The following CELF2 variants were observed in gnomAD, a reference collection of about 807,000 sequenced individuals.
CELF2 encodes the protein CUGBP Elav-like family member 2, also known as CUG triplet repeat RNA-binding protein 2.
In CELF2, 8 loss-of-function variants were observed where a neutral mutation model predicts 62.6. That is an observed-to-expected ratio of 0.13 (90% confidence interval 0.07 to 0.23). The LOEUF (loss-of-function observed/expected upper bound fraction) is 0.23. CELF2 is among the 10% of genes least tolerant of loss of function. CELF2 has a pLI of 1.00. For missense variants in CELF2, 333 were observed against 671.0 expected (o/e 0.50, Z 5.56); for synonymous variants, 258 against 250.0 (o/e 1.03, Z -0.30).
rs1317630313 is a variant in CELF2, at chr10:11,268,148, G to T, written c.618+1471G>T. 6.6e-6 allele frequency among the ~76,000 whole-genome samples: 1 copy of T among 152,088 alleles called. No homozygotes were observed. The highest frequency in any genetic ancestry group is 1.5e-5 in the Non-Finnish European group (1 of 68,014). On this transcript the variant is annotated intron_variant, in intron 6 of 12. Coordinates refer to ENST00000633077, the MANE Select transcript of CELF2 (RefSeq NM_001326342.2). The surrounding 1 kb of genome is among the most constrained non-coding windows in gnomAD (Gnocchi z 4.7). ...CTCTTACTGAGGCCGCTCCATTCCTGTGGATTAGCCTGATTTCCAGCCACA... is the reference window on the plus strand; with the variant it reads ...CTCTTACTGAGGCCGCTCCATTCCTTTGGATTAGCCTGATTTCCAGCCACA...
At chr10:11,229,837 A>T (rs1361603011) in intron 3 of CELF2, among the ~76,000 whole-genome samples, 1 of 151,982 alleles carries the variant, frequency 6.6e-6, no homozygotes, top group Admixed American at 6.5e-5. Flanking sequence ...TGATCCACCC[A>T]CCTCAGCCTC....
At chr10:10,643,725 G>A in the CELF2 span, among the ~76,000 whole-genome samples, 3 of 152,112 alleles carry the variant, frequency 2.0e-5, no homozygotes, top group African/African-American at 7.2e-5. Context: ...GAGGACAACA[G>A]GAGTTTCCTA....
chr10:11,054,433 C>G (rs1222677696), intron 1 of CELF2, among the ~76,000 whole-genome samples: 1 of 151,514 alleles, frequency 6.6e-6, no homozygotes, highest in Admixed American at 6.6e-5. Flanking sequence ...TTTAAAAAAT[C>G]TATCATCAGT....
intron 1 of CELF2, among the ~76,000 whole-genome samples, chr10:10,879,392 G>C (rs2061311828): frequency 6.6e-6 from 1 of 152,166 alleles, no homozygotes; most frequent in Non-Finnish European, 1.5e-5. Context: ...ACTTGATTTA[G>C]AACTTGACTC....
intron 3 of CELF2, among the ~76,000 whole-genome samples, chr10:11,248,709 T>A (rs1403646923): frequency 6.6e-6 from 1 of 152,246 alleles, no homozygotes; most frequent in Non-Finnish European, 1.5e-5. Context: ...TATGAAGCAC[T>A]TTACATGCAT....
intron 2 of CELF2, among the ~76,000 whole-genome samples, chr10:10,921,991 G>A (rs1242965974): frequency 1.3e-5 from 2 of 152,188 alleles, no homozygotes; most frequent in Non-Finnish European, 2.9e-5. Context: ...GCCCAATGTT[G>A]TCATGAACAG....
the CELF2 span, among the ~76,000 whole-genome samples, chr10:10,589,131 T>C: frequency 6.6e-6 from 1 of 152,144 alleles, no homozygotes; most frequent in Admixed American, 6.6e-5. Context: ...ATTGGTTTGG[T>C]CCAGAAAGGC....
At position 11,332,092 on chromosome 10, in the gene CELF2, AAGAATTCCTAATGTGCTACT is replaced by A. The variant is rs1343426683; in HGVS notation, c.*3049_*3068del. On this transcript the variant is annotated 3_prime_UTR_variant, in exon 13 of 13. Transcript: ENST00000633077. ...TTTGATTATTTCTCATTTTTGGGAA[AAGAATTCCTAATGTGCTACT>A]AGAATTCCTTCTTCAGTTTTAACGA... 6.7e-6 allele frequency: 1 copy of A among 149,408 alleles called. No individual in the cohort carries two copies. The highest frequency in any genetic ancestry group is 1.5e-5 in the Non-Finnish European group (1 of 68,026). The allele number at this position is 149,408 out of a possible 1,614,324, so 9.3% of individuals were successfully genotyped here.
chr10:11,175,693 G>C (rs1302614944), intron 2 of CELF2, among the ~76,000 whole-genome samples: 1 of 152,134 alleles, frequency 6.6e-6, no homozygotes, highest in African/African-American at 2.4e-5. Flanking sequence ...TTGAGGTTAG[G>C]GTACCCTTCA....
At position 11,005,580 on chromosome 10, in the gene CELF2, A is replaced by G; in HGVS notation, c.53+140A>G. 2 of 1,335,320 alleles carry G rather than the reference A, an allele frequency of 1.5e-6. No homozygotes were observed. Among genetic ancestry groups the G allele is most frequent in the Admixed American group, 3.8e-5 (2 of 52,672 alleles). The allele number at this position is 1,335,320 out of a possible 1,614,324, so 82.7% of individuals were successfully genotyped here. A position where few individuals can be genotyped will look rare whatever the true frequency, so the allele number is the denominator to read the frequency against. On this transcript the variant is annotated intron_variant, in intron 1 of 12. Transcript: ENST00000416382. The surrounding 1 kb of genome is among the most constrained non-coding windows in gnomAD (Gnocchi z 4.3). ...AAAAAGAATCTAAAGAGGAAGAGGG[A>G]GATGAAATCGAGACCCAGAGATTGG... is the stretch of plus-strand genomic sequence containing the variant.
chr10:10,590,555 C>A, the CELF2 span, among the ~76,000 whole-genome samples: 3 of 152,174 alleles, frequency 2.0e-5, no homozygotes, highest in African/African-American at 7.2e-5. Flanking sequence ...CTTCTGATAA[C>A]TTTCCTGCCC....
chr10:10,606,964 C>T, the CELF2 span, among the ~76,000 whole-genome samples: 1 of 152,082 alleles, frequency 6.6e-6, no homozygotes, highest in Non-Finnish European at 1.5e-5. Context: ...TTCTGAAGTT[C>T]TTTCTAGAAC....
intron 1 of CELF2, among the ~76,000 whole-genome samples, chr10:10,866,655 G>A (rs540300498): frequency 6.1e-5 from 9 of 147,744 alleles, no homozygotes; most frequent in Middle Eastern, 3.7e-3. Context: ...GTTTCGTGCA[G>A]CTAATAAAAT....
At chr10:10,631,744 T>C in the CELF2 span, among the ~76,000 whole-genome samples, 4 of 151,758 alleles carry the variant, frequency 2.6e-5, no homozygotes, top group East Asian at 5.8e-4. Flanking sequence ...AAAATTTCCC[T>C]AGCATACATG....
the CELF2 span, among the ~76,000 whole-genome samples, chr10:10,642,755 A>T: frequency 1.3e-5 from 2 of 152,380 alleles, no homozygotes; most frequent in Admixed American, 1.3e-4. Flanking sequence ...GTACGTTGAT[A>T]TTGGCTCAAA....
chr10:11,170,308 G>C (rs1019660709), intron 2 of CELF2, among the ~76,000 whole-genome samples: 1 of 152,146 alleles, frequency 6.6e-6, no homozygotes, highest in South Asian at 2.1e-4. Flanking sequence ...TCGTACAAGC[G>C]CCTGCCCTCA....
chr10:10,760,147 A>G, the CELF2 span, among the ~76,000 whole-genome samples: 3 of 152,204 alleles, frequency 2.0e-5, no homozygotes, highest in Admixed American at 1.3e-4. Context: ...CAGGTGATCC[A>G]CCCACCTCAG....
At chr10:10,948,281 C>T (rs1463902287) in intron 2 of CELF2, 1 of 152,294 alleles carries the variant, frequency 6.6e-6, no homozygotes, top group East Asian at 1.9e-4. Context: ...TTCTCTAGCC[C>T]AGGAGGTGCC....
the CELF2 span, among the ~76,000 whole-genome samples, chr10:10,554,345 T>G: frequency 6.6e-6 from 1 of 152,132 alleles, no homozygotes; most frequent in African/African-American, 2.4e-5. Context: ...CATGCGTTCC[T>G]GAGCCTTGGT....
Sources: allele counts gnomAD v4.1 joint callset (sites outside exome capture counted in the v4.1 genomes callset), GRCh38; gene constraint gnomAD v4.1.1; non-coding constraint Gnocchi (gnomAD v3.1); transcripts MANE v1.5; gene names NCBI Gene and HGNC (gene_info 2026-07-23, HGNC 2026-07-21).